Variants in CCDC38 observed in about 807,000 individuals in gnomAD.
CCDC38 encodes the protein coiled-coil domain-containing protein 38.
Under a neutral mutation model 72.8 loss-of-function variants are expected in CCDC38, and 69 were observed. That is an observed-to-expected ratio of 0.95 (90% CI 0.78 to 1.16). The LOEUF (loss-of-function observed/expected upper bound fraction) is 1.16. Ranked by LOEUF, CCDC38 falls within the 50% of genes most tolerant of loss-of-function variation. The pLI, the probability that CCDC38 is intolerant of heterozygous loss-of-function variation, is 0.00. For synonymous variants in CCDC38, 201 were observed against 213.2 expected, an observed-to-expected ratio of 0.94 and a Z score of 0.50; for missense variants, 626 against 638.9, an observed-to-expected ratio of 0.98 and a Z score of 0.22.
intron 13 of CCDC38, among the ~76,000 whole-genome samples, chr12:95,877,439 G>A (rs1218498121): frequency 3.9e-5 from 6 of 152,096 alleles, no homozygotes; most frequent in Admixed American, 1.3e-4. Flanking sequence ...TCTGCATCTC[G>A]TTATTGGGCC....
chr12:95,901,841 G>C (rs1308384027), intron 5 of CCDC38, among the ~76,000 whole-genome samples: 1 of 152,200 alleles, frequency 6.6e-6, no homozygotes. Context: ...ATTTAGCAGA[G>C]AATAGGGAGA....
chr12:95,928,034 G>A (rs1397113898), intron 2 of CCDC38, among the ~76,000 whole-genome samples: 5 of 146,884 alleles, frequency 3.4e-5, no homozygotes, highest in East Asian at 2.0e-4. Flanking sequence ...TGCTCTTCTC[G>A]AGGAGTATCT....
In CCDC38 at chr12:95,931,496, A is replaced by T. The variant is rs368047549; in HGVS notation, c.37+4977T>A. Among the ~76,000 whole-genome samples, 303 of 151,694 alleles carry T rather than the reference A, an allele frequency of 2.0e-3. 10 individuals carry two copies. The South Asian group carries it at 0.058, about 29-fold the overall frequency. ...CCATTATTCTGTCTCACACAGTCTC[A>T]CTCCTTTCCTAGACTTGCTCCTTAC... On this transcript the variant is annotated intron_variant, in intron 2 of 15. Coordinates refer to ENST00000344280, the MANE Select transcript of CCDC38 (RefSeq NM_182496.3).
chr12:95,936,614 C>A, intron 1 of CCDC38, 91 bp from the exon 2 acceptor site: 1 of 967,168 alleles, frequency 1.0e-6, no homozygotes, highest in Non-Finnish European at 1.6e-6. Context: ...CCTTAACAGT[C>A]CTTATGGCTT....
intron 2 of CCDC38, among the ~76,000 whole-genome samples, chr12:95,928,431 T>C (rs2080297430): frequency 6.6e-6 from 1 of 152,240 alleles, no homozygotes; most frequent in Non-Finnish European, 1.5e-5. Flanking sequence ...ATTCTAGTTA[T>C]ACATTCTTCT....
At chr12:95,884,269 C>A (rs2079733009) in intron 10 of CCDC38, among the ~76,000 whole-genome samples, 1 of 152,198 alleles carries the variant, frequency 6.6e-6, no homozygotes, top group Non-Finnish European at 1.5e-5. Context: ...AATTGTATTT[C>A]TCTATATTAG....
chr12:95,906,014 G>A (rs1269342426), intron 5 of CCDC38, among the ~76,000 whole-genome samples: 1 of 152,182 alleles, frequency 6.6e-6, no homozygotes, highest in African/African-American at 2.4e-5. Flanking sequence ...CAAAGCATCA[G>A]GAGAAGCTGC....
intron 5 of CCDC38, chr12:95,903,317 A>T: frequency 3.2e-6 from 2 of 624,026 alleles, no homozygotes; most frequent in South Asian, 3.8e-5. Context: ...TGCAGAGAGG[A>T]TCGTGTTGTC....
rs1204621553 is a variant in CCDC38, at chr12:95,942,541, C to A, written c.-125G>T. Reference sequence around the variant, plus strand: ...CTCCAGTCTCGGCTCTATCCTCCCCCAGCCCGGTTCCCGGTCATCTCAGGG... The same window carrying A: ...CTCCAGTCTCGGCTCTATCCTCCCCAAGCCCGGTTCCCGGTCATCTCAGGG... On this transcript the variant is annotated 5_prime_UTR_variant, in exon 1 of 16. Coordinates refer to ENST00000344280, the MANE Select transcript of CCDC38 (RefSeq NM_182496.3). 6.6e-6 allele frequency: 1 copy of A among 152,288 alleles called. No individual in the cohort carries two copies. Among genetic ancestry groups the A allele is most frequent in the African/African-American group, 2.4e-5 (1 of 41,468 alleles). 9.4% of individuals were successfully genotyped at this position (152,288 alleles called of 1,614,324 possible).
intron 2 of CCDC38, among the ~76,000 whole-genome samples, chr12:95,935,865 G>A (rs1450477793): frequency 1.3e-5 from 2 of 152,108 alleles, no homozygotes; most frequent in African/African-American, 4.8e-5. Context: ...GATCACCTGA[G>A]GTCAGGAGTT....
At chr12:95,883,731 C>T (rs1446513050) in intron 10 of CCDC38, among the ~76,000 whole-genome samples, 1 of 152,140 alleles carries the variant, frequency 6.6e-6, no homozygotes, top group Non-Finnish European at 1.5e-5. Context: ...CCCTTGAGGG[C>T]AGAGATTATC....
At chr12:95,918,232 T>A (rs1326815992) in intron 3 of CCDC38, among the ~76,000 whole-genome samples, 1 of 152,054 alleles carries the variant, frequency 6.6e-6, no homozygotes, top group Non-Finnish European at 1.5e-5. Flanking sequence ...AGTGGGAAAA[T>A]CAGCCTTATC....
rs2079679385 is a variant in CCDC38 at position 95,879,816 on chromosome 12, A to G, written c.991-21T>C. The G allele has an allele frequency of 6.4e-7, 1 of 1,554,016 alleles. No homozygotes were observed. Among genetic ancestry groups the G allele is most frequent in the Non-Finnish European group, 8.7e-7 (1 of 1,147,374 alleles). ...GGCTCCTAATTAATCAATAATGAAG[A>G]ATATAATTTACTTAAAAATATGCTA... On this transcript the variant is annotated intron_variant, in intron 11 of 15. Transcript: ENST00000344280. The surrounding 1 kb of genome is among the most constrained non-coding windows in gnomAD (Gnocchi z 5.5).
In CCDC38 at chr12:95,878,357, A is replaced by G; in HGVS notation, c.1143-11T>C. ...TCTATGTTGCTATTTCTATTACAAAAGAAGAAAGAGACCCTCATCTGAAAT... is the reference window on the plus strand; with the variant it reads ...TCTATGTTGCTATTTCTATTACAAAGGAAGAAAGAGACCCTCATCTGAAAT... On this transcript the variant is annotated splice_polypyrimidine_tract_variant and intron_variant, in intron 12 of 15. Transcript: ENST00000344280. 2 of 1,606,634 alleles carry G rather than the reference A, an allele frequency of 1.2e-6. No homozygotes were observed. Among genetic ancestry groups the G allele is most frequent in the Non-Finnish European group, 1.7e-6 (2 of 1,178,258 alleles).
chr12:95,892,724 C>T (rs1392609270), intron 8 of CCDC38, among the ~76,000 whole-genome samples: 3 of 151,910 alleles, frequency 2.0e-5, no homozygotes, highest in Non-Finnish European at 4.4e-5. Context: ...CATGCGCCAC[C>T]ATGCCTGGCT....
chr12:95,918,047 C>G (rs771916315), intron 3 of CCDC38, among the ~76,000 whole-genome samples: 1 of 152,138 alleles, frequency 6.6e-6, no homozygotes, highest in Non-Finnish European at 1.5e-5. Flanking sequence ...CCATCGCATA[C>G]AGATGAATCT....
intron 2 of CCDC38, among the ~76,000 whole-genome samples, chr12:95,921,890 C>T (rs946961032): frequency 6.6e-6 from 1 of 152,104 alleles, no homozygotes. Flanking sequence ...GATTCTTGCC[C>T]CAAATCACTA....
chr12:95,881,711 C>G lies in CCDC38; in HGVS notation c.921-157G>C, dbSNP rs565022369. ...TTAGGGAACTGCTGATTGCAGAAATCAATGGATTCCATGAATATACAAAAG... is the reference window on the plus strand; with the variant it reads ...TTAGGGAACTGCTGATTGCAGAAATGAATGGATTCCATGAATATACAAAAG... On this transcript the variant is annotated intron_variant, in intron 10 of 15. Coordinates refer to ENST00000344280, the MANE Select transcript of CCDC38 (RefSeq NM_182496.3). Among the ~76,000 whole-genome samples the G allele has an allele frequency of 8.5e-5, 13 of 152,266 alleles. 1 individual carries two copies. Among genetic ancestry groups the G allele is most frequent in the Admixed American group, 7.8e-4 (12 of 15,292 alleles).
At chr12:95,882,788 C>G (rs1373441627) in intron 10 of CCDC38, among the ~76,000 whole-genome samples, 1 of 152,214 alleles carries the variant, frequency 6.6e-6, no homozygotes, top group Non-Finnish European at 1.5e-5. Flanking sequence ...TGCTAATACA[C>G]TAATGACTCT....
Sources: gnomAD v4.1 joint callset for allele counts (sites outside exome capture counted in the v4.1 genomes callset) on GRCh38, gnomAD v4.1.1 for gene constraint, Gnocchi (gnomAD v3.1) non-coding constraint, MANE v1.5 for transcripts, NCBI Gene and HGNC (gene_info 2026-07-23, HGNC 2026-07-21) for gene names.